Variants in MYO6 observed in about 807,000 individuals in gnomAD.
MYO6 encodes the protein unconventional myosin-VI.
A neutral mutation model predicts 178.7 loss-of-function variants in MYO6; 74 were observed. The ratio of observed to expected loss-of-function variants is 0.41; its 90% CI spans 0.34 to 0.50. MYO6 has a LOEUF of 0.50. Among genes scored for constraint, MYO6 ranks in the 20% least tolerant of loss-of-function variants. The pLI is 0.09. For missense variants in MYO6, 1,330 were observed against 1,547.4 expected, an observed-to-expected ratio of 0.86 and a Z score of 2.36; for synonymous variants, 477 against 504.6, an observed-to-expected ratio of 0.95 and a Z score of 0.73.
rs561914886 is a variant in MYO6 at position 75,789,850 on chromosome 6, A to G, written c.-47-27651A>G. ...ACACCAGAATTTATTCTTCCTAACT[A>G]TAACTTTGTACCCATTGAACAACCT... On this transcript the variant is annotated intron_variant, in intron 1 of 34. Transcript: ENST00000369977. Among the ~76,000 whole-genome samples, 7 of 152,228 alleles carry G rather than the reference A, an allele frequency of 4.6e-5. No homozygotes were observed. The South Asian group carries it at 6.2e-4, about 14-fold the overall frequency.
intron 1 of MYO6, among the ~76,000 whole-genome samples, chr6:75,810,034 A>G (rs769898259): frequency 2.2e-4 from 33 of 150,602 alleles, no homozygotes; most frequent in Non-Finnish European, 3.1e-4. Context: ...CAGTGAGCCC[A>G]GATTGCCCCA....
chr6:75,892,192 T>C (rs376661830), intron 27 of MYO6, among the ~76,000 whole-genome samples: 1 of 152,234 alleles, frequency 6.6e-6, no homozygotes, highest in Non-Finnish European at 1.5e-5. Flanking sequence ...ACCAAAACTT[T>C]AAATTCCTGA....
chr6:75,749,599 C>T (rs887084842), intron 1 of MYO6, among the ~76,000 whole-genome samples, 176 bp downstream of exon 1: 3 of 152,124 alleles, frequency 2.0e-5, no homozygotes, highest in African/African-American at 7.2e-5. Flanking sequence ...AGCAGTGGGG[C>T]CGGCGGTGGT....
chr6:75,804,276 T>G (rs1263640682), intron 1 of MYO6, among the ~76,000 whole-genome samples: 1 of 152,214 alleles, frequency 6.6e-6, no homozygotes, highest in Non-Finnish European at 1.5e-5. Flanking sequence ...CACACAAAAC[T>G]TACTAGCCAC....
chr6:75,843,535 T>A (rs1774443719), intron 9 of MYO6, among the ~76,000 whole-genome samples: 1 of 152,180 alleles, frequency 6.6e-6, no homozygotes, highest in Non-Finnish European at 1.5e-5. Flanking sequence ...TATCCAAGGT[T>A]GTAATATTAG....
intron 30 of MYO6, among the ~76,000 whole-genome samples, chr6:75,902,501 G>T (rs1779884564): frequency 6.6e-6 from 1 of 152,170 alleles, no homozygotes; most frequent in African/African-American, 2.4e-5. Flanking sequence ...AGATTTTCTA[G>T]TTTATTTGCG....
chr6:75,841,429 C>G, intron 9 of MYO6, 51 bp downstream of exon 9: 1 of 1,551,580 alleles, frequency 6.4e-7, no homozygotes, highest in Non-Finnish European at 8.8e-7. Context: ...TGGCTCATGC[C>G]TGTAATCCCA....
intron 3 of MYO6, 100 bp downstream of exon 3, chr6:75,822,951 C>A: frequency 1.1e-6 from 1 of 893,060 alleles, no homozygotes; most frequent in Non-Finnish European, 1.8e-6. Context: ...TGTGCGGGTT[C>A]AGAAACAATC....
chr6:75,773,482 GA>G (rs375248150), intron 1 of MYO6, among the ~76,000 whole-genome samples: 73 of 152,332 alleles, frequency 4.8e-4, no homozygotes, highest in African/African-American at 1.7e-3. Context: ...GAAAACAGTA[GA>G]AGGCTTGATC....
At chr6:75,904,230 A>G (rs1238730791) in intron 30 of MYO6, among the ~76,000 whole-genome samples, 1 of 149,660 alleles carries the variant, frequency 6.7e-6, no homozygotes, top group Non-Finnish European at 1.5e-5. Context: ...CTCGAGGAGT[A>G]TCTTTGTGGC....
intron 1 of MYO6, among the ~76,000 whole-genome samples, chr6:75,813,763 C>T (rs925487611): frequency 2.6e-5 from 4 of 152,266 alleles, no homozygotes; most frequent in Non-Finnish European, 5.9e-5. Flanking sequence ...ATGAATTCTG[C>T]TGGGACTGGG....
chr6:75,789,419 G>T (rs539473182), intron 1 of MYO6, among the ~76,000 whole-genome samples: 1 of 152,000 alleles, frequency 6.6e-6, no homozygotes, highest in Non-Finnish European at 1.5e-5. Context: ...ATGGTAATTC[G>T]TATTGAGTAA....
intron 1 of MYO6, among the ~76,000 whole-genome samples, chr6:75,788,653 G>A (rs1767924468): frequency 6.6e-6 from 1 of 152,196 alleles, no homozygotes; most frequent in Admixed American, 6.5e-5. Context: ...GGCCAGGCTG[G>A]TCTTGAACTC....
At chr6:75,873,096 T>C (rs756116231) in intron 19 of MYO6, 111 bp from the exon 20 acceptor site, 8 of 859,842 alleles carry the variant, frequency 9.3e-6, no homozygotes, top group Non-Finnish European at 1.5e-5. Flanking sequence ...TAATTACTTT[T>C]ACAGGTTCAT....
intron 30 of MYO6, among the ~76,000 whole-genome samples, chr6:75,899,408 A>G (rs1218522315): frequency 2.6e-5 from 4 of 152,184 alleles, no homozygotes; most frequent in African/African-American, 9.7e-5. Flanking sequence ...CTCCTAGAAA[A>G]GACTCCCAGA....
rs139277247 is a variant in MYO6 at position 75,840,047 on chromosome 6, T to C, written c.554-538T>C. On this transcript the variant is annotated intron_variant, in intron 7 of 34. Transcript: ENST00000369977. ...TTCCTATAACATTTATATTTTCTTG[T>C]TATATATTTGAGAAATTTTCCTATC... Among the ~76,000 whole-genome samples, 814 of 152,242 alleles carry C rather than the reference T, an allele frequency of 5.3e-3. 13 individuals carry two copies. The highest frequency in any genetic ancestry group is 0.019 in the African/African-American group (781 of 41,526).
intron 1 of MYO6, among the ~76,000 whole-genome samples, chr6:75,750,320 A>T (rs1005428088): frequency 2.6e-5 from 4 of 151,774 alleles, no homozygotes; most frequent in African/African-American, 7.3e-5. Flanking sequence ...AGGTCTTGAA[A>T]TCCTGACCTC....
intron 1 of MYO6, among the ~76,000 whole-genome samples, chr6:75,749,649 G>A (rs1244949221): frequency 6.6e-6 from 1 of 152,244 alleles, no homozygotes; most frequent in Non-Finnish European, 1.5e-5. Context: ...CCTTTCATGG[G>A]TTCTCATCAC....
In MYO6 at chr6:75,840,627, G is replaced by T. The variant is rs140235734; in HGVS notation, c.596G>T (p.Arg199Leu). The change falls in exon 8 of 35, where the codon CGC becomes CTC. Residue 199 changes from arginine (R) to leucine (L), a missense_variant. This residue lies in a region of MYO6 where 613 missense variants were observed against 816.8 expected (regional missense o/e 0.75). Transcript: ENST00000369977. The part of the protein sequence containing the change: ...LEAFGNAKTV[R>L]NNNSSRFGKF... ...GCCTTTGGAAATGCGAAGACTGTTC[G>T]CAACAATAATAGCAGTCGATTTGGG... The T allele has an allele frequency of 1.1e-5, 18 of 1,613,716 alleles. No homozygotes were observed. Among genetic ancestry groups the T allele is most frequent in the Non-Finnish European group, 1.5e-5 (18 of 1,179,900 alleles).
Sources: allele counts gnomAD v4.1 joint callset (sites outside exome capture counted in the v4.1 genomes callset), GRCh38; gene constraint gnomAD v4.1.1; regional missense constraint gnomAD v4.1.1; transcripts MANE v1.5; gene names NCBI Gene and HGNC (gene_info 2026-07-23, HGNC 2026-07-21).